The following ITGA8 variants were observed in gnomAD, a reference collection of about 807,000 sequenced individuals.
ITGA8 encodes the protein integrin alpha-8.
A neutral mutation model predicts 142.3 loss-of-function variants in ITGA8; 91 were observed. The ratio of observed to expected loss-of-function variants is 0.64; its 90% CI spans 0.54 to 0.76. The LOEUF (loss-of-function observed/expected upper bound fraction) is 0.76, where lower values mean the gene tolerates loss of function less well. Among genes scored for constraint, ITGA8 ranks in the 30% least tolerant of loss-of-function variants. ITGA8 has a pLI of 0.00. For missense variants in ITGA8, 1,406 were observed against 1,327.7 expected (o/e 1.06, Z -0.92); for synonymous variants, 505 against 485.2 (o/e 1.04, Z -0.54).
chr10:15,643,954 G>T, intron 13 of ITGA8, 76 bp downstream of exon 13: 2 of 1,337,896 alleles, frequency 1.5e-6, no homozygotes, highest in Non-Finnish European at 2.1e-6. Flanking sequence ...AACTGCCTTT[G>T]CATGATGCAT....
chr10:15,523,186 C>T (rs1180700229), intron 28 of ITGA8, among the ~76,000 whole-genome samples: 1 of 152,142 alleles, frequency 6.6e-6, no homozygotes, highest in Non-Finnish European at 1.5e-5. Context: ...TGAGTGGATA[C>T]CTACTGAGTA....
rs9333146 is a variant in ITGA8 at position 15,616,896 on chromosome 10, C to T, written c.1400-337G>A. ...AAGGGGAAAGTCAGCTGCTTAGTGT[C>T]TGCTAGGTACCAGGCTCATTACACA... On this transcript the variant is annotated intron_variant, in intron 13 of 29. Coordinates refer to ENST00000378076, the MANE Select transcript of ITGA8 (RefSeq NM_003638.3). 5.8e-3 allele frequency among the ~76,000 whole-genome samples: 891 copies of T among 152,308 alleles called. 2 individuals carry two copies. Among genetic ancestry groups the T allele is most frequent in the Non-Finnish European group, 9.2e-3 (624 of 68,038 alleles).
chr10:15,573,154 T>G (rs908404018), intron 24 of ITGA8, among the ~76,000 whole-genome samples: 1 of 152,034 alleles, frequency 6.6e-6, no homozygotes. Context: ...GATGGCCTAT[T>G]TAATTCACCT....
chr10:15,560,902 CTTAT>C (rs893236529), intron 25 of ITGA8, among the ~76,000 whole-genome samples: 75 of 151,904 alleles, frequency 4.9e-4, no homozygotes, highest in African/African-American at 1.7e-3. Flanking sequence ...AAAGGGTCTC[CTTAT>C]TTATTTATTT....
chr10:15,558,769 G>A (rs144628162), intron 25 of ITGA8, among the ~76,000 whole-genome samples: 25 of 152,350 alleles, frequency 1.6e-4, no homozygotes, highest in African/African-American at 5.5e-4. Context: ...CATGTTCACT[G>A]TGCTGCAGTG....
chr10:15,566,232 A>G (rs1260026632), intron 25 of ITGA8, among the ~76,000 whole-genome samples: 1 of 152,054 alleles, frequency 6.6e-6, no homozygotes, highest in African/African-American at 2.4e-5. Flanking sequence ...TTCAGGAGAC[A>G]TTCTCGGCGG....
chr10:15,597,386 T>A, intron 20 of ITGA8, 87 bp from the exon 21 acceptor site: 8 of 1,032,220 alleles, frequency 7.8e-6, no homozygotes, highest in Non-Finnish European at 1.2e-5. Flanking sequence ...GGAGCTCCCC[T>A]GGATCTCAAA....
intron 4 of ITGA8, among the ~76,000 whole-genome samples, chr10:15,681,604 C>G (rs989648440): frequency 1.3e-5 from 2 of 152,196 alleles, no homozygotes; most frequent in Non-Finnish European, 2.9e-5. Context: ...GATCTGAGCC[C>G]TCACATCCCA....
intron 15 of ITGA8, among the ~76,000 whole-genome samples, chr10:15,609,657 T>C (rs1833257424): frequency 6.6e-6 from 1 of 152,260 alleles, no homozygotes; most frequent in Non-Finnish European, 1.5e-5. Flanking sequence ...ATCACATCTT[T>C]CAATTTTGTA....
chr10:15,576,420 A>T (rs1232215693), intron 23 of ITGA8, among the ~76,000 whole-genome samples: 1 of 152,244 alleles, frequency 6.6e-6, no homozygotes, highest in African/African-American at 2.4e-5. Flanking sequence ...TATTATTTTT[A>T]TAAAATCTTA....
intron 13 of ITGA8, among the ~76,000 whole-genome samples, chr10:15,621,062 G>C (rs999153202): frequency 4.6e-5 from 7 of 152,066 alleles, no homozygotes; most frequent in Admixed American, 4.6e-4. Context: ...TAACGGGTCT[G>C]ATACCATTAT....
chr10:15,533,156 C>A (rs563117059), intron 27 of ITGA8, among the ~76,000 whole-genome samples: 53 of 152,272 alleles, frequency 3.5e-4, no homozygotes, highest in African/African-American at 1.0e-3. Flanking sequence ...TTACAAAGTT[C>A]TTTTTCCCCT....
intron 27 of ITGA8, among the ~76,000 whole-genome samples, chr10:15,546,623 C>T (rs79045979): frequency 0.055 from 8,408 of 151,496 alleles, 755 homozygotes; most frequent in African/African-American, 0.19. Flanking sequence ...CAACACAGCG[C>T]GATCTGGTCT....
Position 15,644,171 on chromosome 10 carries a change from G to A in ITGA8, c.1258C>T (p.Leu420Phe). ...FAGKDQRGKV[L>F]IYNGNKDGLN... Reference sequence around the variant, plus strand: ...CCATCTTTGTTCCCATTATAAATGAGCACTTTGCCTCTTTGATCCTTGCCT... The same window carrying A: ...CCATCTTTGTTCCCATTATAAATGAACACTTTGCCTCTTTGATCCTTGCCT... Residue 420 changes from leucine (L) to phenylalanine (F), a missense_variant, in exon 13 of 30, where the codon CTC (leucine) becomes TTC (phenylalanine). Transcript: ENST00000378076. The A allele has an allele frequency of 6.2e-7, 1 of 1,614,028 alleles. No homozygotes were observed. The highest frequency in any genetic ancestry group is 1.1e-5 in the South Asian group (1 of 91,058).
In ITGA8 at chr10:15,586,049, A is replaced by ATTT. The variant is rs59435924; in HGVS notation, c.2372+532_2372+534dup. ...CACTGTCAATTTGGGGAATAAAGTG[A>ATTT]TTTTTTTTTTTTTTTTTTTTTTTTT... On this transcript the variant is annotated intron_variant, in intron 23 of 29. Transcript: ENST00000378076. 4.1e-3 allele frequency among the ~76,000 whole-genome samples: 317 copies of ATTT among 76,816 alleles called. 30 individuals carry two copies. The highest frequency in any genetic ancestry group is 0.015 in the African/African-American group (285 of 19,000). 50.4% of individuals were successfully genotyped at this position (76,816 alleles called of 152,430 possible).
At chr10:15,562,156 C>T (rs899541958) in intron 25 of ITGA8, among the ~76,000 whole-genome samples, 3 of 152,112 alleles carry the variant, frequency 2.0e-5, no homozygotes, top group Admixed American at 2.0e-4. Flanking sequence ...AAAGCCTAAC[C>T]CTATCAGGTG....
intron 26 of ITGA8, among the ~76,000 whole-genome samples, chr10:15,556,759 C>G (rs1040296184): frequency 2.0e-5 from 3 of 152,192 alleles, no homozygotes; most frequent in Non-Finnish European, 4.4e-5. Context: ...AAATTGTTGA[C>G]TATAGCCACT....
At chr10:15,602,329 T>A (rs1833118044) in intron 20 of ITGA8, among the ~76,000 whole-genome samples, 1 of 152,234 alleles carries the variant, frequency 6.6e-6, no homozygotes, top group African/African-American at 2.4e-5. Flanking sequence ...CATCTTCAAA[T>A]CAAAGTGGTT....
At chr10:15,603,185 A>G (rs891128149) in intron 20 of ITGA8, among the ~76,000 whole-genome samples, 2 of 152,192 alleles carry the variant, frequency 1.3e-5, no homozygotes, top group Non-Finnish European at 2.9e-5. Flanking sequence ...TCATGAGACT[A>G]GAAGTGTGAA....
Sources: gnomAD v4.1 joint callset for allele counts (sites outside exome capture counted in the v4.1 genomes callset) on GRCh38, gnomAD v4.1.1 for gene constraint, MANE v1.5 for transcripts, NCBI Gene and HGNC (gene_info 2026-07-23, HGNC 2026-07-21) for gene names.